The following ZBTB7C variants were observed in gnomAD, a reference collection of about 807,000 sequenced individuals.
ZBTB7C encodes zinc finger and BTB domain-containing protein 7C.
ZBTB7C carries 8 observed loss-of-function variants against 25.7 expected under a neutral mutation model. That is an observed-to-expected ratio of 0.31 (90% confidence interval 0.18 to 0.56). The LOEUF (loss-of-function observed/expected upper bound fraction) is 0.56, where lower values mean the gene tolerates loss of function less well. ZBTB7C is among the 20% of genes least tolerant of loss of function. The probability of loss-of-function intolerance (pLI) is 0.91; values close to 1 mark genes in which losing one functional copy is unlikely to be tolerated. For missense variants in ZBTB7C, 824 were observed against 855.2 expected (o/e 0.96, Z 0.46); for synonymous variants, 394 against 369.0 (o/e 1.07, Z -0.78).
intron 3 of ZBTB7C, among the ~76,000 whole-genome samples, chr18:48,130,356 G>A (rs1273464863): frequency 6.6e-6 from 1 of 152,176 alleles, no homozygotes; most frequent in Non-Finnish European, 1.5e-5. Context: ...GGGGCTTTAA[G>A]GGAAGTGGGC....
chr18:48,288,159 T>C (rs570149920), intron 2 of ZBTB7C, among the ~76,000 whole-genome samples: 8 of 152,384 alleles, frequency 5.2e-5, no homozygotes, highest in Admixed American at 1.3e-4. Flanking sequence ...AAAGAATGTA[T>C]AGCAATGTGT....
chr18:48,396,262 T>C (rs2048027198), intron 1 of ZBTB7C, among the ~76,000 whole-genome samples: 2 of 152,222 alleles, frequency 1.3e-5, no homozygotes, highest in South Asian at 2.1e-4. Context: ...GCAAGATTTC[T>C]GAGTTCTTGG....
At chr18:48,151,557 G>A (rs11664214) in intron 3 of ZBTB7C, among the ~76,000 whole-genome samples, 22,041 of 152,064 alleles carry the variant, frequency 0.14, 1,788 homozygotes, top group South Asian at 0.24. Flanking sequence ...CTGGATTGTC[G>A]AAGCGACCTG....
chr18:48,380,534 T>A (rs2047612543), intron 1 of ZBTB7C, among the ~76,000 whole-genome samples: 1 of 152,174 alleles, frequency 6.6e-6, no homozygotes, highest in Non-Finnish European at 1.5e-5. Flanking sequence ...GTACAGTGGT[T>A]AGTACACACA....
At chr18:48,235,075 A>G (rs996471498) in intron 2 of ZBTB7C, among the ~76,000 whole-genome samples, 6 of 152,138 alleles carry the variant, frequency 3.9e-5, no homozygotes, top group African/African-American at 1.4e-4. Flanking sequence ...TTTGTCTCTT[A>G]AAACTGCAGA....
intron 2 of ZBTB7C, among the ~76,000 whole-genome samples, chr18:48,334,524 T>C (rs544433151): frequency 1.6e-4 from 25 of 152,304 alleles, no homozygotes; most frequent in African/African-American, 5.5e-4. Flanking sequence ...GATAACTCTA[T>C]AAAGGACCTT....
chr18:48,296,371 C>T (rs556927690), intron 2 of ZBTB7C, among the ~76,000 whole-genome samples: 5 of 152,314 alleles, frequency 3.3e-5, no homozygotes, highest in African/African-American at 7.2e-5. Flanking sequence ...TAGTGGTCCC[C>T]GCTAACCCTC....
chr18:48,336,866 G>A (rs932497186), intron 2 of ZBTB7C, among the ~76,000 whole-genome samples: 1 of 152,086 alleles, frequency 6.6e-6, no homozygotes, highest in Non-Finnish European at 1.5e-5. Flanking sequence ...TGGGGTCTGG[G>A]GATAGCCTAG....
intron 3 of ZBTB7C, among the ~76,000 whole-genome samples, chr18:48,068,138 CT>C (rs1266919637): frequency 4.0e-3 from 498 of 124,952 alleles, no homozygotes; most frequent in Middle Eastern, 8.5e-3. Context: ...CCTTGTAAGT[CT>C]TTTTTTTTTT....
intron 2 of ZBTB7C, among the ~76,000 whole-genome samples, chr18:48,258,806 A>G (rs183334467): frequency 0.011 from 1,536 of 137,060 alleles, 15 homozygotes; most frequent in South Asian, 0.044. Flanking sequence ...TTACAGGCGC[A>G]CACCACCACG....
intron 1 of ZBTB7C, among the ~76,000 whole-genome samples, chr18:48,392,905 G>C (rs56960292): frequency 0.035 from 5,346 of 152,250 alleles, 323 homozygotes; most frequent in African/African-American, 0.12. Context: ...CCGCGATCCA[G>C]TCTCAGCTCT....
intron 2 of ZBTB7C, among the ~76,000 whole-genome samples, chr18:48,198,462 TAAAACCA>T (rs1247297912): frequency 6.6e-6 from 1 of 152,230 alleles, no homozygotes; most frequent in African/African-American, 2.4e-5. Context: ...CTCAGCGTGC[TAAAACCA>T]AAGTGTCGGC....
rs532574699 is a variant in ZBTB7C at position 48,115,900 on chromosome 18, G to A, written c.-17+70034C>T. Among the ~76,000 whole-genome samples the A allele has an allele frequency of 5.9e-5, 9 of 152,098 alleles. No individual in the cohort carries two copies. In the East Asian group the frequency reaches 1.4e-3, roughly 23 times the overall value. ...AGTGACAGCTCTGGAAGAAAGGGCG[G>A]GGCATACCATGGAGGAGGGAGACCA... On this transcript the variant is annotated intron_variant, in intron 3 of 4. Coordinates refer to ENST00000590800, the MANE Select transcript of ZBTB7C (RefSeq NM_001318841.2).
At chr18:48,118,207 CA>C (rs2039511137) in intron 3 of ZBTB7C, among the ~76,000 whole-genome samples, 1 of 152,138 alleles carries the variant, frequency 6.6e-6, no homozygotes, top group East Asian at 1.9e-4. Context: ...GGTTTCGCCA[CA>C]TTGGCCAGGC....
intron 4 of ZBTB7C, among the ~76,000 whole-genome samples, chr18:48,036,702 C>G (rs1050789695): frequency 6.6e-6 from 1 of 152,136 alleles, no homozygotes; most frequent in Non-Finnish European, 1.5e-5. Flanking sequence ...AGTGGCGTGG[C>G]CTTGGAAGGG....
At chr18:48,371,957 C>T (rs549667530) in intron 1 of ZBTB7C, among the ~76,000 whole-genome samples, 5 of 152,294 alleles carry the variant, frequency 3.3e-5, no homozygotes, top group Admixed American at 6.5e-5. Flanking sequence ...GGCTTGGAGG[C>T]CAGGAGACAT....
At chr18:48,243,241 C>G (rs6507830) in intron 2 of ZBTB7C, among the ~76,000 whole-genome samples, 137,383 of 141,560 alleles carry the variant, frequency 0.97, 66,799 homozygotes, top group East Asian at 1. Context: ...TCCAGCTTAG[C>G]TGACAGAGCA....
intron 3 of ZBTB7C, among the ~76,000 whole-genome samples, chr18:48,184,564 A>G (rs1348663020): frequency 6.6e-6 from 1 of 152,044 alleles, no homozygotes; most frequent in Non-Finnish European, 1.5e-5. Flanking sequence ...TGTTATGGAG[A>G]TTTATAACTA....
At chr18:48,052,883 G>A (rs1466419866) in intron 3 of ZBTB7C, among the ~76,000 whole-genome samples, 1 of 152,080 alleles carries the variant, frequency 6.6e-6, no homozygotes, top group African/African-American at 2.4e-5. Context: ...GGATTCTGAG[G>A]TCATGCACAG....
Sources: gnomAD v4.1 joint callset for allele counts (sites outside exome capture counted in the v4.1 genomes callset) on GRCh38, gnomAD v4.1.1 for gene constraint, MANE v1.5 for transcripts, NCBI Gene and HGNC (gene_info 2026-07-23, HGNC 2026-07-21) for gene names.